PRRC2C: variants seen among roughly 807,000 people sequenced by gnomAD.
The protein encoded by PRRC2C is protein PRRC2C.
Under a neutral mutation model 317.2 loss-of-function variants are expected in PRRC2C, and 72 were observed. The observed-to-expected ratio is 0.23, with a 90% confidence interval of 0.19 to 0.28. PRRC2C has a LOEUF of 0.28. PRRC2C is among the 10% of genes least tolerant of loss of function. PRRC2C has a pLI of 1.00. For missense variants in PRRC2C, 3,074 were observed against 3,459.7 expected, an observed-to-expected ratio of 0.89 and a Z score of 2.80; for synonymous variants, 1,296 against 1,205.9, an observed-to-expected ratio of 1.07 and a Z score of -1.55.
intron 16 of PRRC2C, among the ~76,000 whole-genome samples, chr1:171,544,013 T>C (rs999925183): frequency 6.6e-6 from 1 of 152,198 alleles, no homozygotes; most frequent in Non-Finnish European, 1.5e-5. Flanking sequence ...ATCAATCCAT[T>C]CAGAAGGGCA....
chr1:171,509,011 C>T (rs1002974089), intron 1 of PRRC2C, among the ~76,000 whole-genome samples: 14 of 152,144 alleles, frequency 9.2e-5, no homozygotes, highest in African/African-American at 3.1e-4. Context: ...CTCAGCCTCC[C>T]GAGTAGCTGG....
rs1192415095 is a variant in PRRC2C at position 171,583,361 on chromosome 1, CA to C, written c.7410-594del. ...TTTGTTAAAAACTAAGATGCAAACA[CA>C]CACATTAGGCTAGGCTACGCAGGGC... On this transcript the variant is annotated intron_variant, in intron 28 of 34. Coordinates refer to ENST00000647382, the MANE Select transcript of PRRC2C (RefSeq NM_001387844.1). 3.5e-4 allele frequency among the ~76,000 whole-genome samples: 10 copies of C among 28,256 alleles called. 1 individual carries two copies. 18.5% of individuals were successfully genotyped at this position (28,256 alleles called of 152,430 possible).
chr1:171,528,563 T>A (rs1452560683), intron 11 of PRRC2C, among the ~76,000 whole-genome samples: 1 of 152,092 alleles, frequency 6.6e-6, no homozygotes, highest in Non-Finnish European at 1.5e-5. Context: ...AGTGCTGGGA[T>A]TACAGGCGTG....
intron 1 of PRRC2C, among the ~76,000 whole-genome samples, chr1:171,487,500 C>T (rs1370271592): frequency 6.6e-6 from 1 of 152,156 alleles, no homozygotes; most frequent in Non-Finnish European, 1.5e-5. Context: ...AATATATCCA[C>T]TTTGGACTTG....
intron 12 of PRRC2C, 33 bp from the exon 13 acceptor site, chr1:171,535,395 A>G: frequency 6.3e-7 from 1 of 1,579,566 alleles, no homozygotes; most frequent in Non-Finnish European, 8.6e-7. Context: ...GTCATAGATG[A>G]ATACTATTAC....
chr1:171,558,274 A>G (rs1681830478), intron 19 of PRRC2C, 131 bp downstream of exon 19: 9 of 1,252,318 alleles, frequency 7.2e-6, no homozygotes, highest in Non-Finnish European at 9.5e-6. Flanking sequence ...AAGTAATAGT[A>G]ATCCTCTCAA....
At chr1:171,583,264 T>C (rs1324514209) in intron 28 of PRRC2C, among the ~76,000 whole-genome samples, 1 of 152,168 alleles carries the variant, frequency 6.6e-6, no homozygotes, top group African/African-American at 2.4e-5. Flanking sequence ...ATGAACACCA[T>C]GTCTGGCCTT....
intron 31 of PRRC2C, 133 bp downstream of exon 31, chr1:171,587,354 A>C (rs1045464926): frequency 4.2e-5 from 36 of 847,462 alleles, no homozygotes; most frequent in Non-Finnish European, 5.5e-5. Context: ...ACCCCAGTAT[A>C]TTTACATTTT....
rs1557864129 is a variant in PRRC2C, at chr1:171,500,561, T to G, written c.-57-11471T>G. Among the ~76,000 whole-genome samples, 5 of 152,130 alleles carry G rather than the reference T, an allele frequency of 3.3e-5. No homozygotes were observed. In the South Asian group the frequency reaches 1.0e-3, roughly 32 times the overall value. ...ACCGGTACACGCCACCATGCCTGGCTACTTTTTAGTTGTTTTGTTAGAGAC... is the reference window on the plus strand; with the variant it reads ...ACCGGTACACGCCACCATGCCTGGCGACTTTTTAGTTGTTTTGTTAGAGAC... On this transcript the variant is annotated intron_variant, in intron 1 of 34. Coordinates refer to ENST00000647382, the MANE Select transcript of PRRC2C (RefSeq NM_001387844.1).
rs1379567548 is a variant in PRRC2C at position 171,570,858 on chromosome 1, G to A, written c.6652-462G>A. On this transcript the variant is annotated intron_variant, in intron 23 of 34. Transcript: ENST00000647382. ...TTCTGGTGGAACCTGTAGATATATGGTGAAGGTTTTATTCCTTAGAGCTTT... is the reference window on the plus strand; with the variant it reads ...TTCTGGTGGAACCTGTAGATATATGATGAAGGTTTTATTCCTTAGAGCTTT... Among the ~76,000 whole-genome samples, 3 of 152,106 alleles carry A rather than the reference G, an allele frequency of 2.0e-5. No homozygotes were observed. In the South Asian group the frequency reaches 6.2e-4, roughly 31 times the overall value.
intron 12 of PRRC2C, among the ~76,000 whole-genome samples, chr1:171,534,480 C>T (rs892306792): frequency 1.3e-5 from 2 of 151,560 alleles, no homozygotes; most frequent in African/African-American, 4.9e-5. Context: ...TTTTTCCCCC[C>T]TCAATTCTGA....
Position 171,566,653 on chromosome 1 carries a change from G to A in PRRC2C, c.6368G>A (p.Arg2123His). 6.2e-7 allele frequency: 1 copy of A among 1,608,094 alleles called. No individual in the cohort carries two copies. The highest frequency in any genetic ancestry group is 8.5e-7 in the Non-Finnish European group (1 of 1,176,870). The change falls in exon 22 of 35, where the codon CGT (arginine) becomes CAT (histidine). Residue 2123 changes from arginine (R) to histidine (H), a missense_variant. Arg to His is a conservative substitution (Grantham distance 29, BLOSUM62 0). Transcript: ENST00000647382. ...AAACCTGGTCCCATTGGAAAGGAACGTTCATTAAAAAATAGAAAAGTAAAA... is the reference window on the plus strand; with the variant it reads ...AAACCTGGTCCCATTGGAAAGGAACATTCATTAAAAAATAGAAAAGTAAAA... ...EHKPGPIGKE[R>H]SLKNRKVKDA...
chr1:171,581,377 G>GA (rs1464256175), intron 28 of PRRC2C, among the ~76,000 whole-genome samples: 9 of 152,306 alleles, frequency 5.9e-5, no homozygotes, highest in Non-Finnish European at 1.2e-4. Flanking sequence ...TCAGTACTGT[G>GA]AAAAAGAGTA....
chr1:171,560,927 A>G lies in PRRC2C; in HGVS notation c.6032-91A>G. ...TTTTATTCCCTGGCTAGTAATAGCTACACAGTAGGAGATTAAGGAAAGGGT... is the reference window on the plus strand; with the variant it reads ...TTTTATTCCCTGGCTAGTAATAGCTGCACAGTAGGAGATTAAGGAAAGGGT... On this transcript the variant is annotated intron_variant, in intron 19 of 34. Coordinates refer to ENST00000647382, the MANE Select transcript of PRRC2C (RefSeq NM_001387844.1). The G allele has an allele frequency of 3.0e-6, 3 of 991,378 alleles. No individual in the cohort carries two copies. The South Asian group carries it at 3.8e-5, about 13-fold the overall frequency. 61.4% of individuals were successfully genotyped at this position (991,378 alleles called of 1,614,324 possible). A position where few individuals can be genotyped will look rare whatever the true frequency, so the allele number is the denominator to read the frequency against.
chr1:171,550,369 T>C, intron 18 of PRRC2C, 129 bp downstream of exon 18: 1 of 747,368 alleles, frequency 1.3e-6, no homozygotes, highest in Admixed American at 3.6e-5. Flanking sequence ...TGACATCATC[T>C]TCCCAACTTT....
At chr1:171,555,851 T>C (rs1681272262) in intron 18 of PRRC2C, among the ~76,000 whole-genome samples, 1 of 151,938 alleles carries the variant, frequency 6.6e-6, no homozygotes, top group Non-Finnish European at 1.5e-5. Context: ...GAAGCCTCGG[T>C]CTCCCAGTTA....
chr1:171,509,714 A>G (rs573220675), intron 1 of PRRC2C: 7 of 152,164 alleles, frequency 4.6e-5, no homozygotes, highest in South Asian at 2.1e-4. Flanking sequence ...AAGACTTGCT[A>G]TAGAGTGCTG....
At chr1:171,546,768 TTTA>T (rs532497334) in intron 17 of PRRC2C, among the ~76,000 whole-genome samples, 2 of 150,966 alleles carry the variant, frequency 1.3e-5, no homozygotes, top group African/African-American at 2.4e-5. Flanking sequence ...GCCCAGCTAA[TTTA>T]TTATTATTAT....
chr1:171,523,593 A>G (rs2102350972), intron 9 of PRRC2C, 71 bp downstream of exon 9: 2 of 1,243,970 alleles, frequency 1.6e-6, no homozygotes, highest in South Asian at 1.3e-5. Flanking sequence ...TATGCAAAGA[A>G]GCTTTGTTAA....
Sources: allele counts gnomAD v4.1 joint callset (sites outside exome capture counted in the v4.1 genomes callset), GRCh38; gene constraint gnomAD v4.1.1; transcripts MANE v1.5; gene names NCBI Gene and HGNC (gene_info 2026-07-23, HGNC 2026-07-21).